MYO1E: variants seen among roughly 807,000 people sequenced by gnomAD.
MYO1E encodes myosin IE.
In MYO1E, 68 loss-of-function variants were observed where a neutral mutation model predicts 151.1. That is an observed-to-expected ratio of 0.45 (90% CI 0.37 to 0.55). The LOEUF is 0.55. Among genes scored for constraint, MYO1E ranks in the 20% least tolerant of loss-of-function variants. The probability of loss-of-function intolerance (pLI) is 0.00; values close to 1 mark genes in which losing one functional copy is unlikely to be tolerated. For synonymous variants in MYO1E, 601 were observed against 501.7 expected (o/e 1.20, Z -2.64); for missense variants, 1,363 against 1,389.3 (o/e 0.98, Z 0.30).
At chr15:59,138,168 G>A in intron 27 of MYO1E, 30 bp downstream of exon 27, 2 of 1,611,798 alleles carry the variant, frequency 1.2e-6, no homozygotes, top group Non-Finnish European at 1.7e-6. Context: ...TCTTTGGGAG[G>A]CTGTCCCAGC....
At chr15:59,325,270 G>C (rs76608223) in intron 1 of MYO1E, among the ~76,000 whole-genome samples, 1 of 152,088 alleles carries the variant, frequency 6.6e-6, no homozygotes, top group Non-Finnish European at 1.5e-5. Context: ...TCTTGAACTC[G>C]TTGATCCACC....
At chr15:59,286,763 C>T (rs1327475899) in intron 1 of MYO1E, among the ~76,000 whole-genome samples, 2 of 152,252 alleles carry the variant, frequency 1.3e-5, no homozygotes, top group African/African-American at 4.8e-5. Context: ...GGACCCTTGG[C>T]TTGCCTGATC....
At chr15:59,236,747 A>C in intron 4 of MYO1E, 75 bp from the exon 5 acceptor site, 1 of 1,292,230 alleles carries the variant, frequency 7.7e-7, no homozygotes, top group African/African-American at 1.5e-5. Context: ...CCCCCATCAC[A>C]CAAAACAAAC....
chr15:59,210,778 T>A (rs2079874134), intron 12 of MYO1E, among the ~76,000 whole-genome samples, 178 bp from the exon 13 acceptor site: 1 of 152,232 alleles, frequency 6.6e-6, no homozygotes, highest in South Asian at 2.1e-4. Context: ...ATTTTATGAC[T>A]TGGTGATTTT....
chr15:59,193,955 T>C (rs1831623943), intron 17 of MYO1E, among the ~76,000 whole-genome samples: 1 of 152,082 alleles, frequency 6.6e-6, no homozygotes, highest in African/African-American at 2.4e-5. Flanking sequence ...GGCAGTTGGA[T>C]CACGAAGTCA....
chr15:59,372,761 C>A lies in MYO1E; in HGVS notation c.-261G>T. ...GAGGGCAAGAGTCCACTCGTACTCG[C>A]CGGTCGCCGCCGGCCCAGGTGAGTC... On this transcript the variant is annotated 5_prime_UTR_variant, in exon 1 of 28. Coordinates refer to ENST00000288235, the MANE Select transcript of MYO1E (RefSeq NM_004998.4). The A allele has an allele frequency of 1.9e-6, 1 of 539,726 alleles. No individual in the cohort carries two copies. Among genetic ancestry groups the A allele is most frequent in the South Asian group, 2.4e-5 (1 of 41,666 alleles). The allele number at this position is 539,726 out of a possible 1,614,324, so 33.4% of individuals were successfully genotyped here. A position where few individuals can be genotyped will look rare whatever the true frequency, so the allele number is the denominator to read the frequency against.
chr15:59,213,572 C>T (rs2079894685), intron 12 of MYO1E, among the ~76,000 whole-genome samples: 1 of 152,030 alleles, frequency 6.6e-6, no homozygotes, highest in Non-Finnish European at 1.5e-5. Context: ...AATCCTTTCA[C>T]CTCAGCCTCC....
chr15:59,333,596 A>G (rs1427372390), intron 1 of MYO1E, among the ~76,000 whole-genome samples: 3 of 152,094 alleles, frequency 2.0e-5, no homozygotes, highest in African/African-American at 7.2e-5. Flanking sequence ...AATTACTACT[A>G]CTACCCACAA....
At chr15:59,161,314 C>T (rs2079537056) in intron 23 of MYO1E, 84 bp from the exon 24 acceptor site, 2 of 1,467,386 alleles carry the variant, frequency 1.4e-6, no homozygotes, top group Non-Finnish European at 1.9e-6. Context: ...AGTTCTGCTG[C>T]TGGAAAAGCA....
intron 1 of MYO1E, among the ~76,000 whole-genome samples, chr15:59,283,923 A>G (rs907089574): frequency 1.3e-5 from 2 of 152,204 alleles, no homozygotes; most frequent in Non-Finnish European, 2.9e-5. Flanking sequence ...CATCTGCCCA[A>G]TGACACCACC....
chr15:59,180,283 G>C (rs185925211), intron 18 of MYO1E, among the ~76,000 whole-genome samples: 3 of 152,300 alleles, frequency 2.0e-5, no homozygotes, highest in Admixed American at 2.0e-4. Context: ...ACTAATAGCA[G>C]AACCTGTCTA....
intron 1 of MYO1E, among the ~76,000 whole-genome samples, chr15:59,345,480 A>G (rs1422699013): frequency 7.2e-5 from 11 of 152,172 alleles, no homozygotes; most frequent in African/African-American, 2.2e-4. Flanking sequence ...GCTAATTAAA[A>G]AAATGTTTTT....
intron 18 of MYO1E, among the ~76,000 whole-genome samples, chr15:59,183,787 AT>A (rs1216940813): frequency 6.6e-6 from 1 of 151,896 alleles, no homozygotes; most frequent in East Asian, 1.9e-4. Context: ...CATTCTTTCT[AT>A]TTTTTTGTAT....
chr15:59,371,834 G>T (rs2080946870), intron 1 of MYO1E, among the ~76,000 whole-genome samples: 1 of 151,384 alleles, frequency 6.6e-6, no homozygotes, highest in African/African-American at 2.4e-5. Context: ...GGGCGGCGTG[G>T]TTGCCGCCCG....
intron 4 of MYO1E, among the ~76,000 whole-genome samples, chr15:59,237,671 C>T (rs756559222): frequency 2.6e-5 from 4 of 152,184 alleles, no homozygotes; most frequent in Non-Finnish European, 4.4e-5. Flanking sequence ...AATTTTAGGG[C>T]GCAGAGCAAA....
At chr15:59,254,829 G>C (rs980063871) in intron 4 of MYO1E, among the ~76,000 whole-genome samples, 4 of 151,314 alleles carry the variant, frequency 2.6e-5, no homozygotes, top group Non-Finnish European at 5.9e-5. Flanking sequence ...AGTAAGCAGA[G>C]CTTTTTTTTT....
At chr15:59,369,420 G>A (rs2080932198) in intron 1 of MYO1E, among the ~76,000 whole-genome samples, 1 of 152,158 alleles carries the variant, frequency 6.6e-6, no homozygotes. Context: ...AAAGCACATA[G>A]CGGACCTACA....
intron 3 of MYO1E, 79 bp downstream of exon 3, chr15:59,261,341 A>T: frequency 1.0e-6 from 1 of 995,602 alleles, no homozygotes; most frequent in Non-Finnish European, 1.6e-6. Context: ...GTGCAAAAGT[A>T]CTGCTAACTT....
chr15:59,160,935 T>C, intron 24 of MYO1E, 138 bp downstream of exon 24: 1 of 1,215,384 alleles, frequency 8.2e-7, no homozygotes, highest in Non-Finnish European at 1.2e-6. Context: ...TGTTCCATTC[T>C]GAAGAAAGCG....
Sources: gnomAD v4.1 joint callset for allele counts (sites outside exome capture counted in the v4.1 genomes callset) on GRCh38, gnomAD v4.1.1 for gene constraint, MANE v1.5 for transcripts, NCBI Gene and HGNC (gene_info 2026-07-23, HGNC 2026-07-21) for gene names.